ANO2: variants seen among roughly 807,000 people sequenced by gnomAD.
ANO2 encodes the protein anoctamin 2.
ANO2 carries 101 observed loss-of-function variants against 124.2 expected under a neutral mutation model. The ratio of observed to expected loss-of-function variants is 0.81; its 90% confidence interval spans 0.69 to 0.96. The LOEUF (loss-of-function observed/expected upper bound fraction) is 0.96. ANO2 is among the 40% of genes least tolerant of loss of function. The pLI is 0.00. For missense variants in ANO2, 1,293 were observed against 1,274.5 expected (o/e 1.01, Z -0.22); for synonymous variants, 486 against 482.5 (o/e 1.01, Z -0.09).
intron 14 of ANO2, among the ~76,000 whole-genome samples, chr12:5,731,227 C>T (rs1015988150): frequency 2.6e-5 from 4 of 152,084 alleles, no homozygotes; most frequent in East Asian, 3.9e-4. Context: ...ATGAGGGTGG[C>T]GGTGATGATT....
Position 5,615,304 on chromosome 12 carries a change from G to T in ANO2, c.1817-7C>A. ...TGTTCTGTTTTCGGAACCTCTGTAA[G>T]AGAAGAGCGAGGCTGATGAGATTGG... On this transcript the variant is annotated splice_polypyrimidine_tract_variant and splice_region_variant and intron_variant, in intron 16 of 24. Transcript: ENST00000682330. 1 of 1,605,800 alleles carries T rather than the reference G, an allele frequency of 6.2e-7. No individual in the cohort carries two copies. Among genetic ancestry groups the T allele is most frequent in the South Asian group, 1.1e-5 (1 of 89,692 alleles).
At chr12:5,655,971 G>A (rs545084472) in intron 14 of ANO2, among the ~76,000 whole-genome samples, 1 of 152,358 alleles carries the variant, frequency 6.6e-6, no homozygotes, top group South Asian at 2.1e-4. Context: ...GTTCAAGTAA[G>A]TTAAGAGCAG....
chr12:5,648,939 C>G (rs372831468), intron 14 of ANO2, among the ~76,000 whole-genome samples: 14 of 152,176 alleles, frequency 9.2e-5, no homozygotes, highest in Admixed American at 6.5e-4. Context: ...TGCCATCTAG[C>G]CTTTGAAAGC....
intron 14 of ANO2, among the ~76,000 whole-genome samples, chr12:5,715,549 C>T (rs1361943083): frequency 6.6e-6 from 1 of 152,296 alleles, no homozygotes; most frequent in Admixed American, 6.5e-5. Context: ...TGCTCCAGGA[C>T]ATCTGTTCTC....
chr12:5,732,835 A>G (rs367621588), intron 13 of ANO2: 1 of 1,613,716 alleles, frequency 6.2e-7, no homozygotes, highest in South Asian at 1.1e-5. Flanking sequence ...CAAGGGACAC[A>G]CAACACTCGT....
chr12:5,599,198 T>C (rs1943808715), intron 20 of ANO2, among the ~76,000 whole-genome samples: 1 of 152,216 alleles, frequency 6.6e-6, no homozygotes, highest in South Asian at 2.1e-4. Context: ...GATCAAACTT[T>C]AGTTTATAGA....
chr12:5,747,568 T>C (rs1951304743), intron 11 of ANO2, among the ~76,000 whole-genome samples: 1 of 152,164 alleles, frequency 6.6e-6, no homozygotes, highest in African/African-American at 2.4e-5. Flanking sequence ...AAAAACAACA[T>C]CCAAAACCTC....
chr12:5,640,700 G>A (rs1478108078), intron 15 of ANO2, among the ~76,000 whole-genome samples: 4 of 152,126 alleles, frequency 2.6e-5, no homozygotes, highest in Non-Finnish European at 5.9e-5. Flanking sequence ...AGTTAGAATG[G>A]CAATCATTAA....
intron 20 of ANO2, 112 bp downstream of exon 20, chr12:5,599,372 G>T: frequency 7.7e-7 from 1 of 1,290,572 alleles, no homozygotes; most frequent in Non-Finnish European, 1.1e-6. Context: ...AGCTCATGAA[G>T]AAGCAGAGGC....
intron 14 of ANO2, among the ~76,000 whole-genome samples, chr12:5,723,375 G>A (rs774288021): frequency 2.6e-4 from 40 of 152,166 alleles, no homozygotes; most frequent in Non-Finnish European, 7.3e-5. Flanking sequence ...GCTGGTTTCC[G>A]CCAATGAGGG....
At chr12:5,596,506 T>C (rs1232378901) in intron 20 of ANO2, among the ~76,000 whole-genome samples, 2 of 152,192 alleles carry the variant, frequency 1.3e-5, no homozygotes, top group African/African-American at 4.8e-5. Flanking sequence ...TAAGATTGTT[T>C]TATTCATTTT....
At chr12:5,738,695 T>C (rs1950973210) in intron 13 of ANO2, among the ~76,000 whole-genome samples, 1 of 152,126 alleles carries the variant, frequency 6.6e-6, no homozygotes, top group Non-Finnish European at 1.5e-5. Flanking sequence ...CATCATCGGC[T>C]CACCAGCATC....
chr12:5,627,164 C>G, intron 16 of ANO2, among the ~76,000 whole-genome samples: 1 of 152,202 alleles, frequency 6.6e-6, no homozygotes, highest in East Asian at 1.9e-4. Context: ...TATTAGTAGT[C>G]ACAGCCTCCT....
At chr12:5,677,556 G>C (rs1310333279) in intron 14 of ANO2, among the ~76,000 whole-genome samples, 1 of 152,118 alleles carries the variant, frequency 6.6e-6, no homozygotes. Context: ...TGATGAGTTG[G>C]GAAACTTCTC....
intron 10 of ANO2, among the ~76,000 whole-genome samples, chr12:5,780,221 ATATAT>A (rs1196507055): frequency 1.3e-5 from 2 of 152,206 alleles, no homozygotes; most frequent in Admixed American, 6.5e-5. Flanking sequence ...ATAGATTCAT[ATATAT>A]TCATATGCAT....
chr12:5,627,960 T>C (rs1271206125), intron 16 of ANO2, among the ~76,000 whole-genome samples: 1 of 151,504 alleles, frequency 6.6e-6, no homozygotes, highest in Non-Finnish European at 1.5e-5. Flanking sequence ...ATTAGCCAGA[T>C]GCTGTGGCAC....
intron 10 of ANO2, among the ~76,000 whole-genome samples, chr12:5,771,860 C>T (rs1470995789): frequency 3.9e-5 from 6 of 152,064 alleles, no homozygotes; most frequent in African/African-American, 1.2e-4. Context: ...GAAAAGACAG[C>T]GATGGTATCT....
chr12:5,733,192 G>A, intron 13 of ANO2: 1 of 456,484 alleles, frequency 2.2e-6, no homozygotes, highest in South Asian at 2.3e-5. Flanking sequence ...AAACTCACTT[G>A]CCTGGACCTG....
chr12:5,698,531 C>G (rs1403787047), intron 14 of ANO2, among the ~76,000 whole-genome samples: 1 of 152,216 alleles, frequency 6.6e-6, no homozygotes, highest in African/African-American at 2.4e-5. Flanking sequence ...TTCTAAAAAT[C>G]AGAGTACCTC....
Sources: gnomAD v4.1 joint callset for allele counts (sites outside exome capture counted in the v4.1 genomes callset) on GRCh38, gnomAD v4.1.1 for gene constraint, MANE v1.5 for transcripts, NCBI Gene and HGNC (gene_info 2026-07-23, HGNC 2026-07-21) for gene names.